The following ATOSA variants were observed in gnomAD, a reference collection of about 807,000 sequenced individuals.
ATOSA encodes the protein atos homolog A.
chr15:52,618,567 G>C, the ATOSA span, among the ~76,000 whole-genome samples: 1 of 152,180 alleles, frequency 6.6e-6, no homozygotes, highest in East Asian at 1.9e-4. Flanking sequence ...TTATCCTTAT[G>C]CCTGCAAAAC....
the ATOSA span, among the ~76,000 whole-genome samples, chr15:52,699,761 G>A: frequency 1.3e-5 from 2 of 152,110 alleles, no homozygotes; most frequent in Non-Finnish European, 2.9e-5. Context: ...GATATCAAGT[G>A]GGAGTGTGCC....
the ATOSA span, among the ~76,000 whole-genome samples, chr15:52,691,668 C>T: frequency 2.6e-5 from 4 of 151,936 alleles, no homozygotes; most frequent in Non-Finnish European, 4.4e-5. Context: ...GACTCCATCT[C>T]TACAGAAAGT....
chr15:52,673,619 T>C, the ATOSA span, among the ~76,000 whole-genome samples: 2 of 152,248 alleles, frequency 1.3e-5, no homozygotes, highest in Non-Finnish European at 2.9e-5. Flanking sequence ...CATACTATCA[T>C]GACCACCTCT....
chr15:52,602,583 T>C, the ATOSA span, among the ~76,000 whole-genome samples: 1 of 152,220 alleles, frequency 6.6e-6, no homozygotes, highest in Admixed American at 6.5e-5. Flanking sequence ...ATTTAGTTTT[T>C]ATGGCTATTT....
the ATOSA span, among the ~76,000 whole-genome samples, chr15:52,681,047 AG>A: frequency 6.6e-6 from 1 of 152,250 alleles, no homozygotes; most frequent in Admixed American, 6.5e-5. Context: ...AGAGGTAAAA[AG>A]ACCAGGAAAT....
At chr15:52,628,903 A>G in the ATOSA span, among the ~76,000 whole-genome samples, 8 of 152,360 alleles carry the variant, frequency 5.3e-5, no homozygotes, top group African/African-American at 1.7e-4. Context: ...GTTAACAAAT[A>G]TATTTTCTAG....
the ATOSA span, among the ~76,000 whole-genome samples, chr15:52,705,166 A>ATG: frequency 6.6e-6 from 1 of 152,220 alleles, no homozygotes; most frequent in South Asian, 2.1e-4. Flanking sequence ...ATGGAATACT[A>ATG]TGCAGCCATA....
chr15:52,647,593 T>C, the ATOSA span, among the ~76,000 whole-genome samples: 1 of 152,244 alleles, frequency 6.6e-6, no homozygotes, highest in African/African-American at 2.4e-5. Context: ...AGCTCAGTTC[T>C]AGCTGAGGAA....
At chr15:52,672,443 T>G in the ATOSA span, among the ~76,000 whole-genome samples, 18 of 152,150 alleles carry the variant, frequency 1.2e-4, no homozygotes, top group Middle Eastern at 3.4e-3. Context: ...AAATTGACTT[T>G]GGTTTACCTA....
chr15:52,636,022 A>G, the ATOSA span, among the ~76,000 whole-genome samples: 131 of 147,696 alleles, frequency 8.9e-4, no homozygotes, highest in Non-Finnish European at 1.6e-4. Context: ...ATAAATAAAT[A>G]TATAAATAAT....
chr15:52,581,360 T>C, the ATOSA span: 1 of 152,214 alleles, frequency 6.6e-6, no homozygotes, highest in Non-Finnish European at 1.5e-5. Flanking sequence ...AAATACTAAT[T>C]TGTTTCCAAA....
chr15:52,673,798 A>G, the ATOSA span, among the ~76,000 whole-genome samples: 1 of 152,156 alleles, frequency 6.6e-6, no homozygotes, highest in Admixed American at 6.5e-5. Context: ...CTTCTTTCCT[A>G]TTTCACCTGC....
At chr15:52,633,425 C>T in the ATOSA span, among the ~76,000 whole-genome samples, 3 of 152,150 alleles carry the variant, frequency 2.0e-5, no homozygotes, top group African/African-American at 7.2e-5. Context: ...AACAGGTGAG[C>T]CCAACAACTG....
chr15:52,618,623 CA>C, the ATOSA span, among the ~76,000 whole-genome samples: 127 of 152,278 alleles, frequency 8.3e-4, no homozygotes, highest in Middle Eastern at 0.01. Flanking sequence ...CTAACTCTTG[CA>C]GTAGGAATTA....
chr15:52,633,655 A>G, the ATOSA span, among the ~76,000 whole-genome samples: 1 of 152,232 alleles, frequency 6.6e-6, no homozygotes, highest in East Asian at 1.9e-4. Context: ...AAAAAACCAA[A>G]GCAGAATGCT....
the ATOSA span, chr15:52,656,083 T>C: frequency 2.0e-5 from 3 of 151,948 alleles, no homozygotes; most frequent in Non-Finnish European, 4.4e-5. Context: ...TTAATAACAA[T>C]GGGAATGAGA....
the ATOSA span, among the ~76,000 whole-genome samples, chr15:52,591,722 CAGT>C: frequency 4.6e-5 from 7 of 152,124 alleles, no homozygotes; most frequent in African/African-American, 1.7e-4. Flanking sequence ...AAACTTATCT[CAGT>C]GGTACTTTCC....
chr15:52,652,093 C>T, the ATOSA span: 2 of 1,424,976 alleles, frequency 1.4e-6, no homozygotes, highest in South Asian at 3.2e-5. Context: ...ACAGCACTCA[C>T]AGCTGATTGG....
At chr15:52,650,144 T>C in the ATOSA span, among the ~76,000 whole-genome samples, 1 of 152,300 alleles carries the variant, frequency 6.6e-6, no homozygotes, top group East Asian at 1.9e-4. Context: ...TGAAAATTGC[T>C]AGATTGACTT....
Sources: allele counts gnomAD v4.1 joint callset (sites outside exome capture counted in the v4.1 genomes callset), GRCh38; gene constraint gnomAD v4.1.1; transcripts MANE v1.5; gene names NCBI Gene and HGNC (gene_info 2026-07-23, HGNC 2026-07-21).